Variants in TANGO6 observed in about 807,000 individuals in gnomAD.
TANGO6 encodes the protein transport and golgi organization 6 homolog.
Under a neutral mutation model 114.2 loss-of-function variants are expected in TANGO6, and 90 were observed. The ratio of observed to expected loss-of-function variants is 0.79; its 90% CI spans 0.66 to 0.94. TANGO6 has a LOEUF of 0.94. Among genes scored for constraint, TANGO6 ranks in the 40% least tolerant of loss-of-function variants. The pLI is 0.00. For synonymous variants in TANGO6, 477 were observed against 509.8 expected (o/e 0.94, Z 0.87); for missense variants, 1,274 against 1,315.3 (o/e 0.97, Z 0.49).
chr16:69,038,139 A>C (rs564819694), intron 16 of TANGO6, among the ~76,000 whole-genome samples: 1 of 152,320 alleles, frequency 6.6e-6, no homozygotes, highest in Non-Finnish European at 1.5e-5. Context: ...TAACAAAAGT[A>C]TGTGAGAGGC....
At chr16:68,870,424 G>T (rs1459217563) in intron 4 of TANGO6, among the ~76,000 whole-genome samples, 1 of 152,122 alleles carries the variant, frequency 6.6e-6, no homozygotes, top group Non-Finnish European at 1.5e-5. Context: ...CCCCACAGTG[G>T]CTTCTAGGGC....
At chr16:68,947,577 T>C (rs1963428072) in intron 14 of TANGO6, among the ~76,000 whole-genome samples, 1 of 150,514 alleles carries the variant, frequency 6.6e-6, no homozygotes, top group Non-Finnish European at 1.5e-5. Context: ...CTAGATATTA[T>C]AACCCATCTC....
chr16:69,058,469 G>A (rs182889307), intron 17 of TANGO6, among the ~76,000 whole-genome samples: 32 of 152,304 alleles, frequency 2.1e-4, no homozygotes, highest in Admixed American at 2.1e-3. Context: ...TTCAGGTCCA[G>A]AAGGTTTACA....
chr16:69,011,609 C>T (rs1337181638), intron 15 of TANGO6, among the ~76,000 whole-genome samples: 1 of 152,136 alleles, frequency 6.6e-6, no homozygotes, highest in Non-Finnish European at 1.5e-5. Flanking sequence ...CACATGCTAC[C>T]ATACCCAGCT....
At chr16:68,941,637 T>G (rs1259779403) in intron 14 of TANGO6, among the ~76,000 whole-genome samples, 3 of 152,014 alleles carry the variant, frequency 2.0e-5, no homozygotes, top group Non-Finnish European at 4.4e-5. Context: ...TCCCAGCTAC[T>G]TGGGAGGCTG....
intron 17 of TANGO6, among the ~76,000 whole-genome samples, chr16:69,048,258 ATTTTTTTTTTT>A (rs71383949): frequency 1.1e-4 from 12 of 111,628 alleles, no homozygotes; most frequent in African/African-American, 2.3e-4. Flanking sequence ...AATTTTTTGT[ATTTTTTTTTTT>A]TTTTTTTTTT....
intron 4 of TANGO6, among the ~76,000 whole-genome samples, chr16:68,870,947 ATT>A (rs59608096): frequency 2.0e-4 from 28 of 140,058 alleles, no homozygotes; most frequent in East Asian, 1.0e-3. Flanking sequence ...CGCCCGGCTA[ATT>A]TTTTTTTTTT....
Position 68,863,021 on chromosome 16 carries a change from CA to C in TANGO6, c.813del (p.Val272SerfsTer18). Reference protein sequence around the residue: ...DMLDQVYQPLAVRELLILQGG... With the variant: ...DMLDQVYQPLXVRELLILQGG... ...CTGGATCAAGTCTATCAGCCCTTAG[CA>C]GTCCGGGAACTGCTTATCCTCCAGG... On this transcript the variant is annotated frameshift_variant, in exon 3 of 18. Coordinates refer to ENST00000261778, the MANE Select transcript of TANGO6 (RefSeq NM_024562.2). LOFTEE classifies it high-confidence loss of function. The C allele has an allele frequency of 1.3e-6, 2 of 1,595,744 alleles. No individual in the cohort carries two copies. Among genetic ancestry groups the C allele is most frequent in the Non-Finnish European group, 1.7e-6 (2 of 1,171,264 alleles).
At chr16:69,063,923 G>A (rs1231357924) in intron 17 of TANGO6, among the ~76,000 whole-genome samples, 1 of 151,496 alleles carries the variant, frequency 6.6e-6, no homozygotes, top group Non-Finnish European at 1.5e-5. Flanking sequence ...TGCAAACTCC[G>A]CCTCCCGGAT....
intron 12 of TANGO6, among the ~76,000 whole-genome samples, chr16:68,922,781 A>G (rs1217496052): frequency 1.3e-5 from 2 of 152,054 alleles, no homozygotes; most frequent in Non-Finnish European, 2.9e-5. Flanking sequence ...ATGTTGTTCC[A>G]GGGAGGCAGC....
Position 69,009,072 on chromosome 16 carries a change from C to CTT in TANGO6, c.2843-13731_2843-13730dup, listed in dbSNP as rs869092742. Among the ~76,000 whole-genome samples the CTT allele has an allele frequency of 8.2e-4, 64 of 77,644 alleles. 4 individuals are homozygous for CTT. The highest frequency in any genetic ancestry group is 2.0e-3 in the African/African-American group (36 of 18,402). 50.9% of individuals were successfully genotyped at this position (77,644 alleles called of 152,430 possible). ...TGAACATAAACAGGAGAGTTTATTT[C>CTT]TTTTTTTTTTTTTTTTTTTTTTTTT... On this transcript the variant is annotated intron_variant, in intron 15 of 17. Transcript: ENST00000261778.
Position 69,083,770 on chromosome 16 carries a change from G to A in TANGO6, c.*109G>A. Reference sequence around the variant, plus strand: ...CCTCTTGAGTGCTGGCAGCATGGCTGACCCTCGGGGTGGTTTTATGGTGCA... The same window carrying A: ...CCTCTTGAGTGCTGGCAGCATGGCTAACCCTCGGGGTGGTTTTATGGTGCA... On this transcript the variant is annotated 3_prime_UTR_variant, in exon 18 of 18. Transcript: ENST00000261778. 1 of 1,284,866 alleles carries A rather than the reference G, an allele frequency of 7.8e-7. No homozygotes were observed. Among genetic ancestry groups the A allele is most frequent in the Admixed American group, 2.6e-5 (1 of 38,310 alleles). 79.6% of individuals were successfully genotyped at this position (1,284,866 alleles called of 1,614,324 possible).
chr16:68,957,626 C>T (rs1028393994), intron 14 of TANGO6, among the ~76,000 whole-genome samples: 1 of 151,702 alleles, frequency 6.6e-6, no homozygotes, highest in African/African-American at 2.4e-5. Context: ...CTCGAACTCC[C>T]AACCTCAAAT....
rs1346630417 is a variant in TANGO6 at position 69,081,832 on chromosome 16, CT to C, written c.3109-1638del. On this transcript the variant is annotated intron_variant, in intron 17 of 17. Coordinates refer to ENST00000261778, the MANE Select transcript of TANGO6 (RefSeq NM_024562.2). ...GAAAAATGGAAACTGTAGTAGCAGACTTTTTTTTTTTTTTTGAGACAGAGTC... is the reference window on the plus strand; with the variant it reads ...GAAAAATGGAAACTGTAGTAGCAGACTTTTTTTTTTTTTTGAGACAGAGTC... 2.2e-3 allele frequency among the ~76,000 whole-genome samples: 310 copies of C among 138,614 alleles called. 1 individual carries two copies. The highest frequency in any genetic ancestry group is 2.8e-3 in the Admixed American group (38 of 13,766). The allele number at this position is 138,614 out of a possible 152,430, so 90.9% of individuals were successfully genotyped here. A position where few individuals can be genotyped will look rare whatever the true frequency, so the allele number is the denominator to read the frequency against.
intron 15 of TANGO6, among the ~76,000 whole-genome samples, chr16:69,012,625 C>G (rs1394723924): frequency 6.9e-6 from 1 of 145,858 alleles, no homozygotes; most frequent in East Asian, 2.1e-4. Context: ...AGAAGATTGT[C>G]TCTTTAACTT....
intron 12 of TANGO6, among the ~76,000 whole-genome samples, chr16:68,920,367 G>A (rs961747096): frequency 3.9e-5 from 6 of 152,324 alleles, no homozygotes; most frequent in African/African-American, 1.4e-4. Flanking sequence ...AGGCTTAGAA[G>A]CAGCAAAGAG....
At chr16:69,065,683 T>C (rs1167066528) in intron 17 of TANGO6, among the ~76,000 whole-genome samples, 1 of 152,182 alleles carries the variant, frequency 6.6e-6, no homozygotes, top group African/African-American at 2.4e-5. Context: ...TGAACTTCAG[T>C]GTGTTTGAGA....
At chr16:68,863,689 A>G (rs1162073536) in intron 3 of TANGO6, among the ~76,000 whole-genome samples, 1 of 152,196 alleles carries the variant, frequency 6.6e-6, no homozygotes, top group African/African-American at 2.4e-5. Flanking sequence ...TTTTAACTAA[A>G]ATTTGCTGTT....
chr16:68,947,116 C>T, intron 14 of TANGO6, among the ~76,000 whole-genome samples: 1 of 152,132 alleles, frequency 6.6e-6, no homozygotes, highest in East Asian at 1.9e-4. Context: ...TAGGTTACTT[C>T]TCTAGAGCTT....
Sources: allele counts gnomAD v4.1 joint callset (sites outside exome capture counted in the v4.1 genomes callset), GRCh38; gene constraint gnomAD v4.1.1; transcripts MANE v1.5; gene names NCBI Gene and HGNC (gene_info 2026-07-23, HGNC 2026-07-21).